Variants in PDLIM5 observed in about 807,000 individuals in gnomAD.
PDLIM5 encodes PDZ and LIM domain 5.
In PDLIM5, 34 loss-of-function variants were observed where a neutral mutation model predicts 64.2. The ratio of observed to expected loss-of-function variants is 0.53; its 90% CI spans 0.40 to 0.71. The LOEUF (loss-of-function observed/expected upper bound fraction) is 0.71. PDLIM5 is among the 30% of genes least tolerant of loss of function. The pLI is 0.00. For synonymous variants in PDLIM5, 253 were observed against 269.1 expected, an observed-to-expected ratio of 0.94 and a Z score of 0.59; for missense variants, 683 against 733.6, an observed-to-expected ratio of 0.93 and a Z score of 0.80.
intron 7 of PDLIM5, among the ~76,000 whole-genome samples, chr4:94,599,105 C>G (rs183766712): frequency 2.6e-4 from 40 of 152,092 alleles, no homozygotes; most frequent in Non-Finnish European, 4.7e-4. Flanking sequence ...ATGAGAGGCC[C>G]AATATAGGAC....
chr4:94,593,544 G>A (rs991127129), intron 7 of PDLIM5, among the ~76,000 whole-genome samples: 2 of 151,944 alleles, frequency 1.3e-5, no homozygotes, highest in African/African-American at 4.8e-5. Flanking sequence ...AAAGCTCTGG[G>A]GTCTGTTCTT....
intron 8 of PDLIM5, among the ~76,000 whole-genome samples, chr4:94,621,302 A>G (rs1039480056): frequency 6.6e-6 from 1 of 152,150 alleles, no homozygotes; most frequent in South Asian, 2.1e-4. Flanking sequence ...CTGACTTACC[A>G]TGATCTATTC....
intron 9 of PDLIM5, among the ~76,000 whole-genome samples, chr4:94,652,544 T>G (rs966583035): frequency 3.9e-5 from 6 of 152,188 alleles, no homozygotes; most frequent in African/African-American, 1.4e-4. Flanking sequence ...CTGAGAAAAT[T>G]AGATGAAGGA....
intron 9 of PDLIM5, among the ~76,000 whole-genome samples, chr4:94,644,830 C>T (rs1277465631): frequency 6.6e-6 from 1 of 152,226 alleles, no homozygotes; most frequent in Non-Finnish European, 1.5e-5. Context: ...GCGTAAGCCA[C>T]CACACCCAGC....
At chr4:94,633,530 T>C (rs1321861615) in intron 8 of PDLIM5, among the ~76,000 whole-genome samples, 2 of 152,210 alleles carry the variant, frequency 1.3e-5, no homozygotes, top group Admixed American at 6.5e-5. Flanking sequence ...AAACTCTCCT[T>C]ACTCATTTTT....
chr4:94,587,948 A>G (rs897375084), intron 7 of PDLIM5: 8 of 980,220 alleles, frequency 8.2e-6, no homozygotes, highest in African/African-American at 1.7e-5. Flanking sequence ...AGTGACGTAA[A>G]CTACTGTGCA....
At chr4:94,599,379 T>A (rs977095035) in intron 7 of PDLIM5, among the ~76,000 whole-genome samples, 3 of 152,104 alleles carry the variant, frequency 2.0e-5, no homozygotes, top group Non-Finnish European at 4.4e-5. Context: ...TTGTAAAGAA[T>A]TAGTTCAGTT....
intron 3 of PDLIM5, among the ~76,000 whole-genome samples, chr4:94,532,236 C>T (rs1730942418): frequency 6.6e-6 from 1 of 152,122 alleles, no homozygotes; most frequent in Admixed American, 6.5e-5. Flanking sequence ...GCCATCATTC[C>T]AACAGTTACT....
chr4:94,455,981 A>G, intron 2 of PDLIM5: 3 of 1,466,792 alleles, frequency 2.0e-6, no homozygotes, highest in South Asian at 1.3e-5. Context: ...TTCTGTGTAT[A>G]TATTTTAAGG....
chr4:94,626,797 T>G (rs913345420), intron 8 of PDLIM5, among the ~76,000 whole-genome samples: 17 of 143,670 alleles, frequency 1.2e-4, no homozygotes, highest in Admixed American at 6.9e-5. Context: ...TGTTTTTTTG[T>G]TTTTTTTTTG....
intron 7 of PDLIM5, chr4:94,586,937 C>T (rs1257706202): frequency 3.3e-5 from 47 of 1,428,874 alleles, no homozygotes; most frequent in Non-Finnish European, 4.1e-5. Flanking sequence ...CCTTCTATTT[C>T]TTATGACTCT....
chr4:94,563,131 G>A (rs2110245382), intron 3 of PDLIM5, among the ~76,000 whole-genome samples: 1 of 152,202 alleles, frequency 6.6e-6, no homozygotes, highest in East Asian at 1.9e-4. Context: ...AATATAAGAA[G>A]TTGTAAAAAT....
chr4:94,604,404 C>A (rs1250010761), intron 7 of PDLIM5, among the ~76,000 whole-genome samples: 2 of 152,138 alleles, frequency 1.3e-5, no homozygotes, highest in Non-Finnish European at 2.9e-5. Flanking sequence ...GAGGCCAAGG[C>A]AGGCGGATCA....
At chr4:94,650,778 TC>T (rs1741781550) in intron 9 of PDLIM5, among the ~76,000 whole-genome samples, 1 of 152,168 alleles carries the variant, frequency 6.6e-6, no homozygotes, top group Admixed American at 6.6e-5. Flanking sequence ...TCTGAACTCT[TC>T]CTTGGCATCC....
chr4:94,643,522 A>G (rs1741167781), intron 9 of PDLIM5, among the ~76,000 whole-genome samples: 1 of 152,152 alleles, frequency 6.6e-6, no homozygotes, highest in Admixed American at 6.5e-5. Context: ...TTATTTCTTA[A>G]GTGTTACATC....
chr4:94,620,223 T>C (rs1739111873), intron 8 of PDLIM5, among the ~76,000 whole-genome samples: 1 of 152,158 alleles, frequency 6.6e-6, no homozygotes, highest in Admixed American at 6.6e-5. Context: ...AGTTTTGAGA[T>C]GAATGCTGAT....
chr4:94,549,439 A>G (rs567760161), intron 3 of PDLIM5, among the ~76,000 whole-genome samples: 1 of 152,278 alleles, frequency 6.6e-6, no homozygotes, highest in African/African-American at 2.4e-5. Flanking sequence ...ATTTCTATAA[A>G]TTTATCCCAT....
At chr4:94,531,109 C>CT (rs796166716) in intron 3 of PDLIM5, among the ~76,000 whole-genome samples, 1 of 151,496 alleles carries the variant, frequency 6.6e-6, no homozygotes, top group Non-Finnish European at 1.5e-5. Flanking sequence ...TTTGAAGTTA[C>CT]TTTTTTTTTC....
chr4:94,498,603 G>A (rs143116144), intron 2 of PDLIM5, among the ~76,000 whole-genome samples: 80 of 152,152 alleles, frequency 5.3e-4, no homozygotes, highest in Non-Finnish European at 1.3e-4. Context: ...TTGCATTTTC[G>A]TTGTTGTTGT....
Sources: gnomAD v4.1 joint callset for allele counts (sites outside exome capture counted in the v4.1 genomes callset) on GRCh38, gnomAD v4.1.1 for gene constraint, MANE v1.5 for transcripts, NCBI Gene and HGNC (gene_info 2026-07-23, HGNC 2026-07-21) for gene names.